Variants in FBN2 observed in about 807,000 individuals in gnomAD.
The protein encoded by FBN2 is fibrillin-2.
A neutral mutation model predicts 355.6 loss-of-function variants in FBN2; 105 were observed. That is an observed-to-expected ratio of 0.30 (90% CI 0.25 to 0.35). FBN2 has a LOEUF of 0.35. FBN2 is among the 10% of genes least tolerant of loss of function. FBN2 has a pLI of 1.00. For missense variants in FBN2, 3,280 were observed against 3,758.7 expected (o/e 0.87, Z 3.33); for synonymous variants, 1,350 against 1,301.2 (o/e 1.04, Z -0.81).
chr5:128,443,458 G>A (rs1236069556), intron 7 of FBN2, among the ~76,000 whole-genome samples: 1 of 152,098 alleles, frequency 6.6e-6, no homozygotes, highest in Non-Finnish European at 1.5e-5. Flanking sequence ...TCTAGGCTCT[G>A]GGATACAGCA....
In FBN2 at chr5:128,338,875, C is replaced by T. The variant is rs1438973732; in HGVS notation, c.3472+58G>A. The T allele has an allele frequency of 1.4e-5, 23 of 1,590,490 alleles. No individual in the cohort carries two copies. The East Asian group carries it at 3.4e-4, about 23-fold the overall frequency. On this transcript the variant is annotated intron_variant, in intron 26 of 64. Coordinates refer to ENST00000262464, the MANE Select transcript of FBN2 (RefSeq NM_001999.4). ...CAGAGATAAGCAAAGGTCATGCGCA[C>T]GAATGAGTCTGTGCTAGTATGGTTT...
At position 128,259,287 on chromosome 5, in the gene FBN2, G is replaced by A; in HGVS notation, c.*168C>T. 3.5e-6 allele frequency: 3 copies of A among 850,948 alleles called. No individual in the cohort carries two copies. The highest frequency in any genetic ancestry group is 5.7e-6 in the Non-Finnish European group (3 of 524,574). 52.7% of individuals were successfully genotyped at this position (850,948 alleles called of 1,614,324 possible). ...TGCTCAAATCTTTGGCCATACCAGA[G>A]TCTAAATTATCCCTCCCTGTGAGGG... On this transcript the variant is annotated 3_prime_UTR_variant, in exon 65 of 65. Coordinates refer to ENST00000262464, the MANE Select transcript of FBN2 (RefSeq NM_001999.4).
chr5:128,334,876 T>G (rs1009927563), intron 30 of FBN2, 32 bp from the exon 31 acceptor site: 2 of 1,576,206 alleles, frequency 1.3e-6, no homozygotes, highest in Admixed American at 1.7e-5. Context: ...TCTTAGTATG[T>G]GCTCATCACA....
chr5:128,416,621 T>C (rs1301809207), intron 7 of FBN2, among the ~76,000 whole-genome samples: 1 of 152,216 alleles, frequency 6.6e-6, no homozygotes, highest in Non-Finnish European at 1.5e-5. Context: ...TCCATTCTTC[T>C]GCATATAGAT....
At chr5:128,496,663 CAAGAA>C (rs1352641205) in intron 5 of FBN2, among the ~76,000 whole-genome samples, 1 of 151,446 alleles carries the variant, frequency 6.6e-6, no homozygotes, top group Non-Finnish European at 1.5e-5. Context: ...CAGAATCAGA[CAAGAA>C]AAGAAAAGAA....
intron 5 of FBN2, among the ~76,000 whole-genome samples, chr5:128,477,825 T>C (rs1340481792): frequency 6.6e-6 from 1 of 152,192 alleles, no homozygotes; most frequent in Non-Finnish European, 1.5e-5. Context: ...TGGGGGGAGT[T>C]TATCCATGTT....
intron 41 of FBN2, among the ~76,000 whole-genome samples, chr5:128,309,010 ACT>A (rs2126842633): frequency 6.6e-6 from 1 of 152,298 alleles, no homozygotes; most frequent in South Asian, 2.1e-4. Context: ...ATCAACTCTA[ACT>A]CTTCAGCAAT....
chr5:128,466,375 T>C (rs559055682), intron 5 of FBN2, among the ~76,000 whole-genome samples: 2 of 152,338 alleles, frequency 1.3e-5, no homozygotes, highest in East Asian at 1.9e-4. Context: ...ATTTAATTCA[T>C]AGTTTTATGA....
At chr5:128,334,210 CAGAGA>C (rs1183998567) in intron 31 of FBN2, among the ~76,000 whole-genome samples, 3 of 151,488 alleles carry the variant, frequency 2.0e-5, no homozygotes, top group African/African-American at 7.3e-5. Context: ...AATTTGGGCA[CAGAGA>C]AGAGAAGACA....
chr5:128,401,062 A>T (rs764336659), intron 8 of FBN2, among the ~76,000 whole-genome samples: 6 of 152,268 alleles, frequency 3.9e-5, no homozygotes, highest in Middle Eastern at 6.8e-3. Context: ...CCTGATTCTG[A>T]GGCCTTCCCA....
chr5:128,525,559 C>T (rs1417145746), intron 4 of FBN2, among the ~76,000 whole-genome samples: 1 of 152,138 alleles, frequency 6.6e-6, no homozygotes, highest in East Asian at 1.9e-4. Flanking sequence ...CCTGGCCAAC[C>T]CTAGCCTAGA....
intron 55 of FBN2, among the ~76,000 whole-genome samples, chr5:128,285,231 G>T (rs1369322551): frequency 1.3e-5 from 2 of 149,598 alleles, no homozygotes; most frequent in African/African-American, 4.8e-5. Flanking sequence ...TCATGCATTG[G>T]CATTTTTATT....
At chr5:128,346,169 C>T (rs1328223480) in intron 23 of FBN2, among the ~76,000 whole-genome samples, 1 of 152,072 alleles carries the variant, frequency 6.6e-6, no homozygotes, top group African/African-American at 2.4e-5. Flanking sequence ...TCACATTTTC[C>T]CTCCAACTTC....
chr5:128,337,948 C>A, intron 27 of FBN2, 49 bp downstream of exon 27: 1 of 1,607,394 alleles, frequency 6.2e-7, no homozygotes, highest in South Asian at 1.1e-5. Context: ...GATCCCTGGT[C>A]TTTACCAGTT....
rs893980241 is a variant in FBN2, at chr5:128,479,602, A to G, written c.629-14681T>C. On this transcript the variant is annotated intron_variant, in intron 5 of 64. Transcript: ENST00000262464. Reference sequence around the variant, plus strand: ...AAATGGCTGAACCAGGTGAAAAGACATGATAAAGATTCACATAAATTTCTT... The same window carrying G: ...AAATGGCTGAACCAGGTGAAAAGACGTGATAAAGATTCACATAAATTTCTT... 5.3e-5 allele frequency among the ~76,000 whole-genome samples: 8 copies of G among 152,236 alleles called. No individual in the cohort carries two copies. The East Asian group carries it at 1.5e-3, about 29-fold the overall frequency.
intron 5 of FBN2, among the ~76,000 whole-genome samples, chr5:128,467,195 G>T (rs1008570310): frequency 3.3e-5 from 5 of 151,936 alleles, no homozygotes; most frequent in African/African-American, 1.2e-4. Context: ...GTGGAGAAGG[G>T]GAATATCTGG....
chr5:128,357,945 T>C (rs1751546338), intron 19 of FBN2, among the ~76,000 whole-genome samples: 1 of 152,152 alleles, frequency 6.6e-6, no homozygotes, highest in African/African-American at 2.4e-5. Flanking sequence ...ATGTTTAGTT[T>C]GCTTAGTTTT....
intron 9 of FBN2, among the ~76,000 whole-genome samples, chr5:128,394,647 G>T (rs1168865635): frequency 6.6e-6 from 1 of 152,130 alleles, no homozygotes; most frequent in African/African-American, 2.4e-5. Context: ...TCAGGTATTT[G>T]TCTGATGTTA....
rs1056327542 is a variant in FBN2 at position 128,311,168 on chromosome 5, A to G, written c.5074+132T>C. On this transcript the variant is annotated intron_variant, in intron 39 of 64. Transcript: ENST00000262464. The stretch of plus-strand genomic sequence containing the variant: ...CATACAACTTAGCTACATTGATATG[A>G]AAAAAAAAAAAGCTATGAACCAATC... 2.0e-4 allele frequency: 42 copies of G among 209,790 alleles called. 1 individual carries two copies. The South Asian group carries it at 2.5e-3, about 13-fold the overall frequency. 13.0% of individuals were successfully genotyped at this position (209,790 alleles called of 1,614,324 possible).
Sources: allele counts gnomAD v4.1 joint callset (sites outside exome capture counted in the v4.1 genomes callset), GRCh38; gene constraint gnomAD v4.1.1; transcripts MANE v1.5; gene names NCBI Gene and HGNC (gene_info 2026-07-23, HGNC 2026-07-21).